PCDH15: variants seen among roughly 807,000 people sequenced by gnomAD.
The protein encoded by PCDH15 is protocadherin related 15.
Under a neutral mutation model 178.5 loss-of-function variants are expected in PCDH15, and 129 were observed. That is an observed-to-expected ratio of 0.72 (90% CI 0.63 to 0.84). The LOEUF (loss-of-function observed/expected upper bound fraction) is 0.84. Ranked by LOEUF, PCDH15 falls within the 40% of genes least tolerant of loss-of-function variation. The pLI, the probability that PCDH15 is intolerant of heterozygous loss-of-function variation, is 0.00. For missense variants in PCDH15, 2,230 were observed against 2,099.9 expected, an observed-to-expected ratio of 1.06 and a Z score of -1.21; for synonymous variants, 800 against 732.0, an observed-to-expected ratio of 1.09 and a Z score of -1.50.
At chr10:55,087,187 C>T (rs1460473311) in intron 2 of PCDH15, among the ~76,000 whole-genome samples, 1 of 151,916 alleles carries the variant, frequency 6.6e-6, no homozygotes, top group East Asian at 1.9e-4. Context: ...TAGATGAATG[C>T]CTTCATTTAT....
intron 21 of PCDH15, among the ~76,000 whole-genome samples, chr10:53,990,866 T>G (rs928660566): frequency 1.3e-5 from 2 of 151,900 alleles, no homozygotes; most frequent in African/African-American, 2.4e-5. Flanking sequence ...CCAGCACGAG[T>G]TCCAGGTGGG....
At chr10:55,092,946 ATAAAAC>A (rs1451047565) in intron 2 of PCDH15, among the ~76,000 whole-genome samples, 2 of 152,062 alleles carry the variant, frequency 1.3e-5, no homozygotes, top group East Asian at 1.9e-4. Context: ...ATGGATTAAT[ATAAAAC>A]TAAAACTAAA....
intron 3 of PCDH15, among the ~76,000 whole-genome samples, chr10:54,816,806 C>T (rs929530302): frequency 3.3e-5 from 5 of 152,060 alleles, no homozygotes; most frequent in African/African-American, 1.2e-4. Flanking sequence ...AGGATGAATT[C>T]TTAAGTAATG....
intron 2 of PCDH15, among the ~76,000 whole-genome samples, chr10:54,949,454 T>C (rs879457908): frequency 4.1e-4 from 62 of 152,050 alleles, no homozygotes; most frequent in Non-Finnish European, 5.9e-5. Context: ...GGGCCTGCAC[T>C]GGGAGGAACT....
intron 1 of PCDH15, among the ~76,000 whole-genome samples, chr10:54,667,596 CTG>C (rs1318731940): frequency 1.3e-5 from 2 of 152,044 alleles, no homozygotes; most frequent in Non-Finnish European, 2.9e-5. Context: ...TGCTAAGTGA[CTG>C]TAGGTAAATG....
intron 2 of PCDH15, among the ~76,000 whole-genome samples, chr10:55,341,574 CTTT>C (rs60297759): frequency 3.6e-5 from 5 of 137,230 alleles, no homozygotes; most frequent in Non-Finnish European, 3.2e-5. Flanking sequence ...GATTAGCATC[CTTT>C]TTTTTTTTTT....
chr10:54,585,035 A>G (rs1427926482), intron 2 of PCDH15, among the ~76,000 whole-genome samples: 3 of 152,134 alleles, frequency 2.0e-5, no homozygotes, highest in Admixed American at 1.3e-4. Context: ...TTGTACATAT[A>G]AAGTCTTCTA....
At chr10:55,600,994 G>A (rs1356786699) in intron 2 of PCDH15, among the ~76,000 whole-genome samples, 1 of 151,962 alleles carries the variant, frequency 6.6e-6, no homozygotes, top group East Asian at 1.9e-4. Flanking sequence ...AGGTCTGTGG[G>A]TAGCAAAAGA....
At chr10:53,830,990 C>T (rs2076982524) in intron 30 of PCDH15, among the ~76,000 whole-genome samples, 1 of 152,082 alleles carries the variant, frequency 6.6e-6, no homozygotes, top group Admixed American at 6.6e-5. Context: ...GCTTTTACCC[C>T]AGGATACCTG....
intron 18 of PCDH15, 144 bp downstream of exon 18, chr10:54,066,613 G>A: frequency 1.5e-6 from 1 of 662,462 alleles, no homozygotes; most frequent in Non-Finnish European, 2.5e-6. Context: ...TATAGGATAT[G>A]ATTCATTTTT....
chr10:55,414,011 T>C (rs936739582), intron 2 of PCDH15, among the ~76,000 whole-genome samples: 6 of 151,406 alleles, frequency 4.0e-5, no homozygotes, highest in African/African-American at 1.5e-4. Flanking sequence ...ATTATAACAG[T>C]TTATTAGAAA....
At chr10:54,204,354 CA>C (rs1554837282) in intron 10 of PCDH15, among the ~76,000 whole-genome samples, 912 of 41,430 alleles carry the variant, frequency 0.022, 9 homozygotes, top group African/African-American at 0.082. Context: ...TAAAGTGTTG[CA>C]AAAAAAAAAA....
chr10:55,009,754 G>A (rs1278330542), intron 2 of PCDH15, among the ~76,000 whole-genome samples: 2 of 152,120 alleles, frequency 1.3e-5, no homozygotes, highest in East Asian at 1.9e-4. Flanking sequence ...ACTAAAGAGC[G>A]AAACAGAATC....
chr10:54,997,600 T>C (rs1839680092), intron 2 of PCDH15, among the ~76,000 whole-genome samples: 1 of 152,216 alleles, frequency 6.6e-6, no homozygotes, highest in Non-Finnish European at 1.5e-5. Context: ...TGCAAATTTA[T>C]TTGACAAAAC....
chr10:55,005,396 A>G (rs1319785740), intron 2 of PCDH15, among the ~76,000 whole-genome samples: 1 of 152,094 alleles, frequency 6.6e-6, no homozygotes, highest in African/African-American at 2.4e-5. Flanking sequence ...AAAATAAGGT[A>G]AATTTGAATT....
rs548233145 is a variant in PCDH15, at chr10:55,559,746, C to T, written c.-156+67879G>A. On this transcript the variant is annotated intron_variant, in intron 2 of 5. Transcript: ENST00000613346. ...AACCAAAATTTCTGCCAGCAGAATT[C>T]AGTCTTACACATGTAGATGTGAAAG... is the stretch of plus-strand genomic sequence containing the variant. Among the ~76,000 whole-genome samples, 5 of 151,986 alleles carry T rather than the reference C, an allele frequency of 3.3e-5. No individual in the cohort carries two copies. The East Asian group carries it at 7.7e-4, about 24-fold the overall frequency.
At chr10:54,956,815 A>G (rs1838501613) in intron 2 of PCDH15, among the ~76,000 whole-genome samples, 1 of 151,716 alleles carries the variant, frequency 6.6e-6, no homozygotes, top group African/African-American at 2.4e-5. Context: ...GTTCAAACCA[A>G]TATTTATGTC....
chr10:55,458,355 TGAAA>T (rs1446578099), intron 2 of PCDH15, among the ~76,000 whole-genome samples: 1 of 152,046 alleles, frequency 6.6e-6, no homozygotes, highest in African/African-American at 2.4e-5. Flanking sequence ...AATGATACAG[TGAAA>T]GAGTTAACCC....
intron 25 of PCDH15, among the ~76,000 whole-genome samples, chr10:53,904,730 G>A (rs2082557069): frequency 6.6e-6 from 1 of 152,000 alleles, no homozygotes; most frequent in East Asian, 1.9e-4. Flanking sequence ...CCACAAATCA[G>A]AATTCACCCA....
Sources: allele counts gnomAD v4.1 joint callset (sites outside exome capture counted in the v4.1 genomes callset), GRCh38; gene constraint gnomAD v4.1.1; transcripts MANE v1.5; gene names NCBI Gene and HGNC (gene_info 2026-07-23, HGNC 2026-07-21).